Variants in RRP1 observed in about 807,000 individuals in gnomAD.
RRP1 encodes the protein ribosomal RNA processing 1.
In RRP1, 37 loss-of-function variants were observed where a neutral mutation model predicts 54.6. The observed-to-expected ratio is 0.68, with a 90% CI of 0.52 to 0.89. The LOEUF (loss-of-function observed/expected upper bound fraction) is 0.89. RRP1 is among the 40% of genes least tolerant of loss of function. RRP1 has a pLI of 0.00. For synonymous variants in RRP1, 262 were observed against 244.3 expected, an observed-to-expected ratio of 1.07 and a Z score of -0.67; for missense variants, 639 against 612.5, an observed-to-expected ratio of 1.04 and a Z score of -0.46.
chr21:43,802,151 C>G (rs1378842292), intron 11 of RRP1, 123 bp from the exon 12 acceptor site: 2 of 672,174 alleles, frequency 3.0e-6, no homozygotes, highest in African/African-American at 3.6e-5. Context: ...GGCATTAGAA[C>G]AGGGCGCTTT....
chr21:43,799,345 C>T (rs563040200), intron 8 of RRP1, among the ~76,000 whole-genome samples: 4 of 127,684 alleles, frequency 3.1e-5, no homozygotes, highest in South Asian at 2.8e-4. Context: ...CCTGTCCATA[C>T]GAGATTAGAG....
intron 8 of RRP1, 93 bp downstream of exon 8, chr21:43,798,193 C>T (rs1194426241): frequency 1.8e-6 from 2 of 1,104,470 alleles, no homozygotes; most frequent in Non-Finnish European, 2.5e-6. Context: ...CACCTCCTAC[C>T]TGGTCCCCTT....
In RRP1 at chr21:43,803,571, G is replaced by A; in HGVS notation, c.1183G>A (p.Gly395Ser). ...GGAGAGGAAGAGGAGCAGGAGGAGG[G>A]GTGTAGGGGCCGACCCCGAGGCGCG... is the stretch of plus-strand genomic sequence containing the variant. ...GMERKRSRRR[G>S]VGADPEARAE... The change falls in exon 13 of 13, where the codon GGT (glycine) becomes AGT (serine). Residue 395 changes from glycine to serine, a missense_variant. By Grantham distance (56) the Gly-to-Ser change is moderately conservative. Transcript: ENST00000497547. The A allele has an allele frequency of 1.9e-6, 3 of 1,555,408 alleles. No individual in the cohort carries two copies. The highest frequency in any genetic ancestry group is 2.6e-6 in the Non-Finnish European group (3 of 1,149,918).
At chr21:43,799,405 G>A (rs534317142) in intron 8 of RRP1, among the ~76,000 whole-genome samples, 165 bp from the exon 9 acceptor site, 51 of 150,502 alleles carry the variant, frequency 3.4e-4, no homozygotes, top group Middle Eastern at 6.8e-3. Flanking sequence ...TCCCGCCTGT[G>A]CCCATGTTCT....
chr21:43,790,901 C>A (rs1324220981), intron 1 of RRP1: 1 of 436,876 alleles, frequency 2.3e-6, no homozygotes, highest in East Asian at 7.1e-5. Context: ...TCAGTAATTT[C>A]TGTTTCTCTC....
chr21:43,791,542 G>C, intron 2 of RRP1, 110 bp downstream of exon 2: 1 of 1,003,292 alleles, frequency 1.0e-6, no homozygotes. Flanking sequence ...CGCTCTTGTT[G>C]CCCAGGCTGG....
intron 3 of RRP1, chr21:43,792,979 A>G (rs1046797806): frequency 1.9e-5 from 11 of 564,914 alleles, no homozygotes; most frequent in African/African-American, 1.7e-4. Flanking sequence ...CACTTTAAAA[A>G]TAAAGTGAAA....
chr21:43,798,116 C>G lies in RRP1; in HGVS notation c.811+16C>G. The stretch of plus-strand genomic sequence containing the variant: ...CCGCCCGCAGGTGGGGGTCACACTG[C>G]GCCTGGCTTCTCCTCGGGGCCTGTC... On this transcript the variant is annotated intron_variant, in intron 8 of 12. Transcript: ENST00000497547. 6.3e-7 allele frequency: 1 copy of G among 1,591,446 alleles called. No homozygotes were observed. Among genetic ancestry groups the G allele is most frequent in the Non-Finnish European group, 8.6e-7 (1 of 1,167,712 alleles).
At chr21:43,803,465 G>A (rs1237664266) in intron 12 of RRP1, 47 bp from the exon 13 acceptor site, 1 of 1,498,744 alleles carries the variant, frequency 6.7e-7, no homozygotes, top group Non-Finnish European at 9.0e-7. Flanking sequence ...AGTGGAAAGA[G>A]CCCGTGTTGG....
At chr21:43,798,282 C>G (rs979429823) in intron 8 of RRP1, among the ~76,000 whole-genome samples, 182 bp downstream of exon 8, 1 of 152,052 alleles carries the variant, frequency 6.6e-6, no homozygotes, top group African/African-American at 2.4e-5. Flanking sequence ...ACGTCGTTTC[C>G]CCTCATCCCC....
At chr21:43,803,413 C>G in intron 12 of RRP1, 99 bp from the exon 13 acceptor site, 1 of 1,437,986 alleles carries the variant, frequency 7.0e-7, no homozygotes, top group Non-Finnish European at 9.2e-7. Context: ...GTGTTGTCCT[C>G]CCAGGTCTGT....
At chr21:43,791,755 C>G (rs938270343) in intron 2 of RRP1, among the ~76,000 whole-genome samples, 5 of 152,142 alleles carry the variant, frequency 3.3e-5, no homozygotes, top group Non-Finnish European at 7.4e-5. Context: ...CCTCCCATCT[C>G]GGCCTCCCAA....
chr21:43,802,542 T>C, intron 12 of RRP1, 155 bp downstream of exon 12: 1 of 636,594 alleles, frequency 1.6e-6, no homozygotes, highest in East Asian at 2.8e-5. Flanking sequence ...AAATGCCCTG[T>C]CCTCGGCATC....
intron 4 of RRP1, among the ~76,000 whole-genome samples, chr21:43,794,446 C>G (rs890632151): frequency 6.6e-6 from 1 of 152,220 alleles, no homozygotes; most frequent in African/African-American, 2.4e-5. Context: ...CAGGGCTAGC[C>G]TCGGTGGCAC....
rs1001689799 is a variant in RRP1, at chr21:43,805,196, A to G, written c.*1422A>G. 6.6e-6 allele frequency: 1 copy of G among 151,978 alleles called. No homozygotes were observed. Among genetic ancestry groups the G allele is most frequent in the Non-Finnish European group, 1.5e-5 (1 of 68,104 alleles). The allele number at this position is 151,978 out of a possible 1,614,324, so 9.4% of individuals were successfully genotyped here. The stretch of plus-strand genomic sequence containing the variant: ...GAGGCTGAGGCAGGAGAATTGCTTG[A>G]ACCTGGGAGGCAGAGGTTGTGGTGA... On this transcript the variant is annotated 3_prime_UTR_variant, in exon 13 of 13. Coordinates refer to ENST00000497547, the MANE Select transcript of RRP1 (RefSeq NM_003683.6).
rs1490314898 is a variant in RRP1 at position 43,799,668 on chromosome 21, T to C, written c.891+19T>C. Reference sequence around the variant, plus strand: ...TCTCCAGGTGGGTTCCCTGGGCTCATGGCTGTGCCCTCAGCCTTTGCCCCT... The same window carrying C: ...TCTCCAGGTGGGTTCCCTGGGCTCACGGCTGTGCCCTCAGCCTTTGCCCCT... On this transcript the variant is annotated intron_variant, in intron 9 of 12. Coordinates refer to ENST00000497547, the MANE Select transcript of RRP1 (RefSeq NM_003683.6). 1 of 1,599,530 alleles carries C rather than the reference T, an allele frequency of 6.3e-7. No individual in the cohort carries two copies. The highest frequency in any genetic ancestry group is 1.7e-5 in the Admixed American group (1 of 57,920).
rs774113525 is a variant in RRP1, at chr21:43,802,398, G to C, written c.1123+11G>C. 7.5e-6 allele frequency: 12 copies of C among 1,607,838 alleles called. No homozygotes were observed. In the African/African-American group the frequency reaches 1.6e-4, roughly 22 times the overall value. On this transcript the variant is annotated intron_variant, in intron 12 of 12. Coordinates refer to ENST00000497547, the MANE Select transcript of RRP1 (RefSeq NM_003683.6). ...TGCAGCAGGAGAGAGGTAGGACTAG[G>C]GGGTGTGTTAGTCATGGAGCCGGCG...
At chr21:43,798,613 C>A (rs1047349121) in intron 8 of RRP1, among the ~76,000 whole-genome samples, 4 of 152,130 alleles carry the variant, frequency 2.6e-5, no homozygotes, top group African/African-American at 9.7e-5. Flanking sequence ...TGGGTTCAGG[C>A]CTGAGACCTC....
rs200937759 is a variant in RRP1, at chr21:43,798,055, C to A, written c.766C>A (p.Arg256Ser). ...DSDESSEGGE[R>S]GDALSQKRSE... Reference sequence around the variant, plus strand: ...TGATGAGTCCTCTGAGGGTGGTGAGCGTGGAGACGCGCTGTCCCAGAAGAG... The same window carrying A: ...TGATGAGTCCTCTGAGGGTGGTGAGAGTGGAGACGCGCTGTCCCAGAAGAG... Residue 256 changes from arginine to serine, a missense_variant, in exon 8 of 13, where the codon CGT (arginine) becomes AGT (serine). By Grantham distance (110) the Arg-to-Ser change is moderately radical (BLOSUM62 -1). Transcript: ENST00000497547. 1 of 1,613,958 alleles carries A rather than the reference C, an allele frequency of 6.2e-7. No individual in the cohort carries two copies. The highest frequency in any genetic ancestry group is 1.3e-5 in the African/African-American group (1 of 75,020).
Sources: gnomAD v4.1 joint callset for allele counts (sites outside exome capture counted in the v4.1 genomes callset) on GRCh38, gnomAD v4.1.1 for gene constraint, MANE v1.5 for transcripts, NCBI Gene and HGNC (gene_info 2026-07-23, HGNC 2026-07-21) for gene names.